Variants in ARHGAP24 observed in about 807,000 individuals in gnomAD.
ARHGAP24 encodes the protein Rho GTPase activating protein 24.
A neutral mutation model predicts 76.4 loss-of-function variants in ARHGAP24; 50 were observed. The ratio of observed to expected loss-of-function variants is 0.65; its 90% CI spans 0.52 to 0.83. The LOEUF (loss-of-function observed/expected upper bound fraction) is 0.83, where lower values mean the gene tolerates loss of function less well. Ranked by LOEUF, ARHGAP24 falls within the 40% of genes least tolerant of loss-of-function variation. The probability of loss-of-function intolerance (pLI) is 0.00; values close to 1 mark genes in which losing one functional copy is unlikely to be tolerated. For synonymous variants in ARHGAP24, 345 were observed against 323.3 expected, an observed-to-expected ratio of 1.07 and a Z score of -0.72; for missense variants, 930 against 914.2, an observed-to-expected ratio of 1.02 and a Z score of -0.22.
At chr4:85,672,079 T>A (rs887794421) in intron 2 of ARHGAP24, among the ~76,000 whole-genome samples, 1 of 152,136 alleles carries the variant, frequency 6.6e-6, no homozygotes, top group Non-Finnish European at 1.5e-5. Flanking sequence ...CTCAGAGAAC[T>A]TTTTGCACAC....
At chr4:85,606,762 T>A (rs930255020) in intron 2 of ARHGAP24, among the ~76,000 whole-genome samples, 1 of 152,202 alleles carries the variant, frequency 6.6e-6, no homozygotes, top group African/African-American at 2.4e-5. Context: ...CTTCTCACTG[T>A]AGTCAAGTGA....
At chr4:85,879,645 G>A (rs1162166635) in intron 3 of ARHGAP24, among the ~76,000 whole-genome samples, 9 of 151,678 alleles carry the variant, frequency 5.9e-5, no homozygotes, top group Non-Finnish European at 1.0e-4. Context: ...CTCTGTGGAG[G>A]ATACCTTTTA....
chr4:85,666,350 C>T (rs995198350), intron 2 of ARHGAP24, among the ~76,000 whole-genome samples: 43 of 151,640 alleles, frequency 2.8e-4, no homozygotes, highest in African/African-American at 1.0e-3. Context: ...TTCTCAAGCT[C>T]CTGTAAGCAC....
At chr4:85,721,734 A>G (rs1195642423) in intron 2 of ARHGAP24, 151 bp from the exon 3 acceptor site, 4 of 700,202 alleles carry the variant, frequency 5.7e-6, no homozygotes, top group Non-Finnish European at 7.6e-6. Context: ...ATTCTGGCAC[A>G]TAATTTTTGA....
intron 2 of ARHGAP24, among the ~76,000 whole-genome samples, chr4:85,678,942 C>CTAT (rs1723098767): frequency 1.3e-5 from 2 of 152,098 alleles, no homozygotes; most frequent in Admixed American, 6.6e-5. Flanking sequence ...TGAAGGTTTG[C>CTAT]TAAAAGAAAT....
rs906737311 is a variant in ARHGAP24 at position 85,522,409 on chromosome 4, T to C, written c.-21+46850T>C. ...TAATTGCTACAAATAATTATTTTCA[T>C]AACATACTCTCCACACATTGTACAA... is the stretch of plus-strand genomic sequence containing the variant. On this transcript the variant is annotated intron_variant, in intron 1 of 9. Transcript: ENST00000395184. Among the ~76,000 whole-genome samples, 5 of 152,196 alleles carry C rather than the reference T, an allele frequency of 3.3e-5. 1 individual carries two copies. Among genetic ancestry groups the C allele is most frequent in the Non-Finnish European group, 7.4e-5 (5 of 68,024 alleles).
intron 3 of ARHGAP24, chr4:85,778,939 G>A: frequency 1.0e-6 from 1 of 985,424 alleles, no homozygotes; most frequent in Non-Finnish European, 1.2e-6. Context: ...GAACAGCTGT[G>A]CGTAGACCAG....
chr4:85,667,194 G>T (rs2109998272), intron 2 of ARHGAP24, among the ~76,000 whole-genome samples: 1 of 152,296 alleles, frequency 6.6e-6, no homozygotes, highest in East Asian at 1.9e-4. Flanking sequence ...AAGGAAGCCT[G>T]GGCAATGGCG....
chr4:85,899,734 T>G (rs1734390652), intron 3 of ARHGAP24, among the ~76,000 whole-genome samples: 1 of 152,198 alleles, frequency 6.6e-6, no homozygotes, highest in Non-Finnish European at 1.5e-5. Flanking sequence ...TATCTCCATC[T>G]GTATTATGTA....
chr4:85,839,164 T>C (rs1462710142), intron 3 of ARHGAP24, among the ~76,000 whole-genome samples: 2 of 152,218 alleles, frequency 1.3e-5, no homozygotes, highest in Non-Finnish European at 2.9e-5. Context: ...CAGAGAAGAC[T>C]CAGTAATAAT....
At chr4:85,557,583 C>A (rs1274189220) in intron 1 of ARHGAP24, among the ~76,000 whole-genome samples, 1 of 152,200 alleles carries the variant, frequency 6.6e-6, no homozygotes, top group East Asian at 1.9e-4. Flanking sequence ...CTTCTCTGTT[C>A]TCTGTGGGTC....
At chr4:85,840,968 C>T (rs1730566539) in intron 3 of ARHGAP24, among the ~76,000 whole-genome samples, 1 of 152,168 alleles carries the variant, frequency 6.6e-6, no homozygotes, top group African/African-American at 2.4e-5. Context: ...GTGTTACAAA[C>T]ACCATATAAA....
intron 1 of ARHGAP24, among the ~76,000 whole-genome samples, chr4:85,516,284 A>G (rs951956286): frequency 2.0e-5 from 3 of 152,216 alleles, no homozygotes; most frequent in African/African-American, 7.2e-5. Flanking sequence ...TGCATCCCTG[A>G]ACTAGAATAA....
chr4:85,609,315 C>T (rs1179424020), intron 2 of ARHGAP24, among the ~76,000 whole-genome samples: 2 of 152,016 alleles, frequency 1.3e-5, no homozygotes, highest in African/African-American at 2.4e-5. Context: ...GTGTTGTTTC[C>T]GTTTTATTCT....
At chr4:85,511,333 C>T (rs925017045) in intron 1 of ARHGAP24, among the ~76,000 whole-genome samples, 5 of 152,050 alleles carry the variant, frequency 3.3e-5, no homozygotes, top group Non-Finnish European at 5.9e-5. Context: ...AACTGATGTG[C>T]CCTCCGAAGG....
intron 3 of ARHGAP24, among the ~76,000 whole-genome samples, chr4:85,772,861 A>G (rs1043052932): frequency 6.6e-6 from 1 of 152,184 alleles, no homozygotes; most frequent in Non-Finnish European, 1.5e-5. Context: ...CTAGTCACCC[A>G]ATGTCCAAGT....
Position 85,800,267 on chromosome 4 carries a change from A to T in ARHGAP24, c.268+78295A>T, listed in dbSNP as rs567597033. ...AATTATTTCAAAATTTGTAAAGCTT[A>T]AAGAGAAAAATGTTTCCCAGGTTAT... On this transcript the variant is annotated intron_variant, in intron 3 of 9. Transcript: ENST00000395184. Among the ~76,000 whole-genome samples the T allele has an allele frequency of 9.9e-5, 15 of 152,184 alleles. No individual in the cohort carries two copies. In the South Asian group the frequency reaches 3.1e-3, roughly 32 times the overall value.
At chr4:85,748,317 C>T (rs1442483855) in intron 3 of ARHGAP24, among the ~76,000 whole-genome samples, 1 of 152,156 alleles carries the variant, frequency 6.6e-6, no homozygotes, top group Non-Finnish European at 1.5e-5. Context: ...AGTAGAAATC[C>T]GTAACTCCCT....
intron 1 of ARHGAP24, among the ~76,000 whole-genome samples, chr4:85,516,045 G>A (rs1724486118): frequency 6.6e-6 from 1 of 152,110 alleles, no homozygotes; most frequent in Non-Finnish European, 1.5e-5. Flanking sequence ...CCCAGCCAGG[G>A]CCATTGTCTA....
Sources: allele counts gnomAD v4.1 joint callset (sites outside exome capture counted in the v4.1 genomes callset), GRCh38; gene constraint gnomAD v4.1.1; transcripts MANE v1.5; gene names NCBI Gene and HGNC (gene_info 2026-07-23, HGNC 2026-07-21).